The following ARHGEF37 variants were observed in gnomAD, a reference collection of about 807,000 sequenced individuals.
The protein encoded by ARHGEF37 is Rho guanine nucleotide exchange factor 37, also known as Rho guanine nucleotide exchange factor (GEF) 37.
In ARHGEF37, 55 loss-of-function variants were observed where a neutral mutation model predicts 71.1. The observed-to-expected ratio is 0.77, with a 90% CI of 0.62 to 0.97. The LOEUF (loss-of-function observed/expected upper bound fraction) is 0.97. ARHGEF37 is among the 50% of genes least tolerant of loss of function. ARHGEF37 has a pLI of 0.00. For missense variants in ARHGEF37, 765 were observed against 836.8 expected (o/e 0.91, Z 1.06); for synonymous variants, 327 against 350.6 (o/e 0.93, Z 0.75).
At chr5:149,595,984 T>C (rs1455147921) in intron 1 of ARHGEF37, among the ~76,000 whole-genome samples, 2 of 139,168 alleles carry the variant, frequency 1.4e-5, no homozygotes, top group East Asian at 4.4e-4. Flanking sequence ...TTCACAGAAG[T>C]CCTTGTGGCT....
intron 3 of ARHGEF37, among the ~76,000 whole-genome samples, chr5:149,602,942 T>G (rs1763799117): frequency 6.6e-6 from 1 of 151,292 alleles, no homozygotes; most frequent in Non-Finnish European, 1.5e-5. Flanking sequence ...AAAAGTTTTA[T>G]TTTTTTTTGA....
chr5:149,613,348 A>AT (rs1752255648), intron 4 of ARHGEF37, among the ~76,000 whole-genome samples: 1 of 102,112 alleles, frequency 9.8e-6, no homozygotes, highest in African/African-American at 3.5e-5. Flanking sequence ...AGATAGATAG[A>AT]ATTTTTTTTT....
upstream of ARHGEF37, among the ~76,000 whole-genome samples, chr5:149,577,537 G>T (rs762562262): frequency 3.9e-5 from 6 of 152,284 alleles, no homozygotes; most frequent in East Asian, 9.6e-4. Context: ...AAAAAAAATG[G>T]TATGGGAAGA....
intron 1 of ARHGEF37, among the ~76,000 whole-genome samples, chr5:149,588,821 T>C (rs1177945849): frequency 6.6e-6 from 1 of 152,222 alleles, no homozygotes. Context: ...AGCTAGCTGA[T>C]GGATCCTCAA....
At chr5:149,581,670 G>GGAGA (rs1763110484) in intron 1 of ARHGEF37, 46 bp downstream of exon 1, 2 of 152,366 alleles carry the variant, frequency 1.3e-5, no homozygotes, top group Admixed American at 1.3e-4. Flanking sequence ...GGATGGGGCT[G>GGAGA]GAGAGGGGTG....
intron 1 of ARHGEF37, among the ~76,000 whole-genome samples, chr5:149,567,821 G>A (rs749655889): frequency 6.6e-6 from 1 of 152,068 alleles, no homozygotes; most frequent in Non-Finnish European, 1.5e-5. Flanking sequence ...CTTAGCCATG[G>A]AATCAGCCAT....
Position 149,567,977 on chromosome 5 carries a change from C to G in ARHGEF37, c.-12+15854C>G, listed in dbSNP as rs577668578. 6.6e-5 allele frequency among the ~76,000 whole-genome samples: 10 copies of G among 152,260 alleles called. No homozygotes were observed. The East Asian group carries it at 1.7e-3, about 26-fold the overall frequency. On this transcript the variant is annotated intron_variant, in intron 1 of 2. Transcript: ENST00000505810. ...CAGATATCTCTTCCTCTCTTTCTCT[C>G]TCTCATCAGTTTATATACATCTAAT...
At chr5:149,625,152 G>A (rs903354905) in intron 10 of ARHGEF37, among the ~76,000 whole-genome samples, 19 of 152,144 alleles carry the variant, frequency 1.2e-4, no homozygotes, top group South Asian at 4.1e-4. Context: ...TGATCCACCC[G>A]CCTCAGCCTC....
chr5:149,602,987 C>T (rs35852760), intron 3 of ARHGEF37, among the ~76,000 whole-genome samples: 81,773 of 151,802 alleles, frequency 0.54, 22,370 homozygotes, highest in East Asian at 0.71. Flanking sequence ...GGCTGGAGTG[C>T]GATGGCATGA....
At chr5:149,571,905 C>CAAAAAAAAAA in intron 1 of ARHGEF37, among the ~76,000 whole-genome samples, 1 of 77,622 alleles carries the variant, frequency 1.3e-5, no homozygotes, top group Non-Finnish European at 2.5e-5. Flanking sequence ...GACCCTGTCT[C>CAAAAAAAAAA]AAAAAAAAAA....
intron 3 of ARHGEF37, among the ~76,000 whole-genome samples, chr5:149,608,089 G>C (rs900209988): frequency 6.6e-6 from 1 of 151,902 alleles, no homozygotes; most frequent in Non-Finnish European, 1.5e-5. Flanking sequence ...CTTAAGGATG[G>C]GGGAGATTAT....
In ARHGEF37 at chr5:149,609,844, G is replaced by A. The variant is rs115885998; in HGVS notation, c.458+149G>A. The A allele has an allele frequency of 5.9e-3, 6,396 of 1,091,320 alleles. 247 individuals carry two copies. In the African/African-American group the frequency reaches 0.09, roughly 15 times the overall value. The allele number at this position is 1,091,320 out of a possible 1,614,324, so 67.6% of individuals were successfully genotyped here. A position where few individuals can be genotyped will look rare whatever the true frequency, so the allele number is the denominator to read the frequency against. ...TGTTAGTCAGGATAGGGCAGGCTGT[G>A]CCACAGAGACAAACAGCTCCCACAT... On this transcript the variant is annotated intron_variant, in intron 4 of 12. Transcript: ENST00000333677.
chr5:149,628,374 G>A (rs773506523), intron 11 of ARHGEF37, among the ~76,000 whole-genome samples: 1 of 152,236 alleles, frequency 6.6e-6, no homozygotes, highest in Non-Finnish European at 1.5e-5. Context: ...AACAGCACTG[G>A]ACTAGTTGCT....
intron 1 of ARHGEF37, among the ~76,000 whole-genome samples, chr5:149,589,430 C>A (rs890814962): frequency 6.6e-6 from 1 of 151,968 alleles, no homozygotes; most frequent in African/African-American, 2.4e-5. Flanking sequence ...AGAGTTCAAG[C>A]GATCTTCCCA....
At chr5:149,575,031 C>T (rs1763010166) in intron 1 of ARHGEF37, among the ~76,000 whole-genome samples, 1 of 152,160 alleles carries the variant, frequency 6.6e-6, no homozygotes, top group Non-Finnish European at 1.5e-5. Flanking sequence ...TCTTCAATGG[C>T]TCCCCCATTA....
intron 1 of ARHGEF37, among the ~76,000 whole-genome samples, chr5:149,555,804 G>A (rs1478775089): frequency 6.6e-6 from 1 of 152,056 alleles, no homozygotes; most frequent in East Asian, 1.9e-4. Context: ...TGTGTTCGTA[G>A]GGAATTCAAG....
At chr5:149,618,606 G>A (rs1752445184) in intron 6 of ARHGEF37, among the ~76,000 whole-genome samples, 1 of 152,242 alleles carries the variant, frequency 6.6e-6, no homozygotes, top group Non-Finnish European at 1.5e-5. Context: ...CAGGTTGGTG[G>A]AGTGCCTGCT....
chr5:149,565,744 G>C (rs952058250), intron 1 of ARHGEF37, among the ~76,000 whole-genome samples: 3 of 150,132 alleles, frequency 2.0e-5, no homozygotes, highest in Non-Finnish European at 3.0e-5. Flanking sequence ...CTACTGATCA[G>C]ACAGGGCCTT....
At chr5:149,594,961 C>T (rs1020088797) in intron 1 of ARHGEF37, among the ~76,000 whole-genome samples, 9 of 152,088 alleles carry the variant, frequency 5.9e-5, no homozygotes, top group Non-Finnish European at 1.3e-4. Flanking sequence ...TTGAATAAAG[C>T]CAATCCTAAA....
Sources: allele counts gnomAD v4.1 joint callset (sites outside exome capture counted in the v4.1 genomes callset), GRCh38; gene constraint gnomAD v4.1.1; transcripts MANE v1.5; gene names NCBI Gene and HGNC (gene_info 2026-07-23, HGNC 2026-07-21).